The following NFS1 variants were observed in gnomAD, a reference collection of about 807,000 sequenced individuals.
The protein encoded by NFS1 is NFS1 cysteine desulfurase.
NFS1 carries 26 observed loss-of-function variants against 57.3 expected under a neutral mutation model. The ratio of observed to expected loss-of-function variants is 0.45; its 90% confidence interval spans 0.33 to 0.63. NFS1 has a LOEUF of 0.63. Ranked by LOEUF, NFS1 falls within the 20% of genes least tolerant of loss-of-function variation. The probability of loss-of-function intolerance (pLI) is 0.02; values close to 1 mark genes in which losing one functional copy is unlikely to be tolerated. For missense variants in NFS1, 505 were observed against 605.8 expected, an observed-to-expected ratio of 0.83 and a Z score of 1.75; for synonymous variants, 209 against 216.3, an observed-to-expected ratio of 0.97 and a Z score of 0.30.
chr20:35,696,349 C>G, intron 4 of NFS1, 28 bp downstream of exon 4: 2 of 1,519,316 alleles, frequency 1.3e-6, no homozygotes, highest in Admixed American at 3.3e-5. Flanking sequence ...GGAAAGCCCA[C>G]ATACACCCTC....
chr20:35,697,835 GCAT>G, intron 2 of NFS1, 35 bp from the exon 3 acceptor site: 1 of 1,469,092 alleles, frequency 6.8e-7, no homozygotes, highest in Non-Finnish European at 9.4e-7. Flanking sequence ...TTCCTTGAGC[GCAT>G]CGTCAATTCA....
Position 35,690,526 on chromosome 20 carries a change from T to C in NFS1, c.448A>G (p.Ile150Val). 1 of 1,614,070 alleles carries C rather than the reference T, an allele frequency of 6.2e-7. No individual in the cohort carries two copies. The highest frequency in any genetic ancestry group is 8.5e-7 in the Non-Finnish European group (1 of 1,180,010). The change falls in exon 5 of 13, where the codon ATC becomes GTC. Residue 150 changes from isoleucine (I) to valine (V), a missense_variant. By Grantham distance (29) the Ile-to-Val change is conservative (BLOSUM62 3). Transcript: ENST00000374092. Reference sequence around the variant, plus strand: ...CATTTGTGTTCTGTCTGGGTGGTGATCAAGTGCTTTTTCCGTGACCTGTAG... The same window carrying C: ...CATTTGTGTTCTGTCTGGGTGGTGACCAAGTGCTTTTTCCGTGACCTGTAG... ...RFYRSRKKHL[I>V]TTQTEHKCVL...
At position 35,699,032 on chromosome 20, in the gene NFS1, T is replaced by C; in HGVS notation, c.97+160A>G. The C allele has an allele frequency of 1.5e-6, 2 of 1,322,800 alleles. No homozygotes were observed. Among genetic ancestry groups the C allele is most frequent in the Non-Finnish European group, 1.9e-6 (2 of 1,039,500 alleles). 81.9% of individuals were successfully genotyped at this position (1,322,800 alleles called of 1,614,324 possible). On this transcript the variant is annotated intron_variant, in intron 1 of 12. Transcript: ENST00000374092. This position sits in a 1 kb window ranked among gnomAD's most constrained non-coding sequence, Gnocchi z 4.4. ...AGGGGTGGTGCGCCGGGGTCAACCG[T>C]TCGGGGACCCGCCTAAGAAAGTTTG...
intron 7 of NFS1, among the ~76,000 whole-genome samples, chr20:35,677,026 A>G (rs1034211533): frequency 2.0e-5 from 3 of 151,994 alleles, no homozygotes; most frequent in Admixed American, 6.6e-5. Context: ...GCCACCACGC[A>G]TGGCTAATTT....
rs1262820912 is a variant in NFS1 at position 35,696,405 on chromosome 20, G to T, written c.380C>A (p.Ala127Asp). ...AATTGCTATGTTGTTGGATTCAGTAGCACCACTAGTAAAAATGATCTCACG... is the reference window on the plus strand; with the variant it reads ...AATTGCTATGTTGTTGGATTCAGTATCACCACTAGTAAAAATGATCTCACG... ...DPREIIFTSG[A>D]TESNNIAIKG... Residue 127 changes from alanine (A) to aspartate (D), a missense_variant, in exon 4 of 13, where the codon GCT (alanine) becomes GAT (aspartate). By Grantham distance (126) the Ala-to-Asp change is moderately radical. Coordinates refer to ENST00000374092, the MANE Select transcript of NFS1 (RefSeq NM_021100.5). 4.3e-6 allele frequency: 7 copies of T among 1,613,678 alleles called. No homozygotes were observed. Among genetic ancestry groups the T allele is most frequent in the Non-Finnish European group, 5.9e-6 (7 of 1,179,710 alleles).
intron 8 of NFS1, 69 bp downstream of exon 8, chr20:35,674,976 T>G: frequency 6.3e-7 from 1 of 1,595,608 alleles, no homozygotes; most frequent in Non-Finnish European, 8.6e-7. Context: ...TCAGTCATGC[T>G]GAGAAGCCTC....
rs952327652 is a variant in NFS1, at chr20:35,669,637, C to T, written c.1359G>A (p.Lys453=). The T allele has an allele frequency of 6.2e-7, 1 of 1,613,940 alleles. No homozygotes were observed. The highest frequency in any genetic ancestry group is 1.7e-5 in the Admixed American group (1 of 59,996). ...CCCTATTCTTCTAGTGTTGGGTCCA[C>T]TTGATGCTCTTGAGGTCAATGCCAT... is the stretch of plus-strand genomic sequence containing the variant. ...VQDGIDLKSI[K]WTQH The change falls in exon 13 of 13, where the codon AAG becomes AAA. Residue 453 remains lysine (K), a synonymous_variant. Coordinates refer to ENST00000374092, the MANE Select transcript of NFS1 (RefSeq NM_021100.5).
At chr20:35,672,487 G>T (rs1487207960) in intron 12 of NFS1, among the ~76,000 whole-genome samples, 2 of 152,152 alleles carry the variant, frequency 1.3e-5, no homozygotes, top group Non-Finnish European at 2.9e-5. Context: ...CTGACCTCAG[G>T]TGATCTGTCC....
chr20:35,681,967 A>G lies in NFS1; in HGVS notation c.576T>C (p.Ala192=). 1 of 1,606,348 alleles carries G rather than the reference A, an allele frequency of 6.2e-7. No individual in the cohort carries two copies. Residue 192 remains alanine (A), a synonymous_variant, in exon 6 of 13, where the codon GCT becomes GCC. Coordinates refer to ENST00000374092, the MANE Select transcript of NFS1 (RefSeq NM_021100.5). ...ACACCAGGCTAGTATCTGGCTGGAT[A>G]GCAGCCTCTAGTTCCTAGGGATATG... ...GIIDLKELEA[A]IQPDTSLVSV... is the part of the protein sequence containing the mutation.
intron 7 of NFS1, among the ~76,000 whole-genome samples, chr20:35,676,562 G>C (rs996910932): frequency 1.3e-5 from 2 of 151,440 alleles, no homozygotes; most frequent in Non-Finnish European, 2.9e-5. Flanking sequence ...CTCCAGCCTA[G>C]TGACAGAGCA....
At position 35,669,056 on chromosome 20, in the gene NFS1, T is replaced by C. The variant is rs1458949199; in HGVS notation, c.*566A>G. 6.6e-6 allele frequency: 1 copy of C among 152,152 alleles called. No individual in the cohort carries two copies. The highest frequency in any genetic ancestry group is 1.5e-5 in the Non-Finnish European group (1 of 68,026). 9.4% of individuals were successfully genotyped at this position (152,152 alleles called of 1,614,324 possible). ...AATAACTGGTGGAGTCACAGACATA[T>C]TTCTAGCTCCATTAGGTCAAAGGAA... On this transcript the variant is annotated 3_prime_UTR_variant, in exon 13 of 13. Coordinates refer to ENST00000374092, the MANE Select transcript of NFS1 (RefSeq NM_021100.5).
intron 3 of NFS1, 67 bp from the exon 4 acceptor site, chr20:35,696,527 G>T: frequency 8.1e-7 from 1 of 1,232,868 alleles, no homozygotes. Context: ...GCAGACACAG[G>T]TGGGACAGCC....
chr20:35,685,717 G>C (rs2034927261), intron 5 of NFS1, among the ~76,000 whole-genome samples: 1 of 148,542 alleles, frequency 6.7e-6, no homozygotes, highest in Non-Finnish European at 1.5e-5. Context: ...AATTAGCCAG[G>C]TGTGGTAGCG....
At chr20:35,691,412 C>A (rs1196742314) in intron 4 of NFS1, among the ~76,000 whole-genome samples, 1 of 145,980 alleles carries the variant, frequency 6.9e-6, no homozygotes, top group African/African-American at 2.5e-5. Context: ...TCAACTATTA[C>A]AAGAAACTAA....
rs773921139 is a variant in NFS1, at chr20:35,673,689, G to A, written c.1137-5C>T. On this transcript the variant is annotated splice_region_variant and splice_polypyrimidine_tract_variant and intron_variant, in intron 10 of 12. Coordinates refer to ENST00000374092, the MANE Select transcript of NFS1 (RefSeq NM_021100.5). ...AGGGATGCAGAGGTGCAGGCACTGAGGAGAGAGACACGAACCTTGTTCAGT... is the reference window on the plus strand; with the variant it reads ...AGGGATGCAGAGGTGCAGGCACTGAAGAGAGAGACACGAACCTTGTTCAGT... 4.3e-6 allele frequency: 7 copies of A among 1,612,152 alleles called. No homozygotes were observed. In the South Asian group the frequency reaches 7.7e-5, roughly 18 times the overall value.
At chr20:35,671,995 G>A (rs943111039) in intron 12 of NFS1, among the ~76,000 whole-genome samples, 1 of 151,810 alleles carries the variant, frequency 6.6e-6, no homozygotes, top group Non-Finnish European at 1.5e-5. Context: ...GTCTCACTCT[G>A]TCACCCAGGC....
At chr20:35,689,478 G>A (rs775956061) in intron 5 of NFS1, among the ~76,000 whole-genome samples, 12 of 148,478 alleles carry the variant, frequency 8.1e-5, no homozygotes, top group African/African-American at 5.0e-5. Flanking sequence ...TAAAAAATTA[G>A]CCAAGTGTGG....
At chr20:35,683,149 T>C (rs900850914) in intron 5 of NFS1, among the ~76,000 whole-genome samples, 5 of 151,728 alleles carry the variant, frequency 3.3e-5, no homozygotes, top group African/African-American at 1.2e-4. Context: ...GGTTACATAC[T>C]GTATGATTCC....
intron 5 of NFS1, among the ~76,000 whole-genome samples, chr20:35,688,297 A>G (rs565404103): frequency 6.6e-6 from 1 of 151,694 alleles, no homozygotes; most frequent in Admixed American, 6.6e-5. Flanking sequence ...GCTCTTGCCT[A>G]TAATCCCAGC....
Sources: gnomAD v4.1 joint callset for allele counts (sites outside exome capture counted in the v4.1 genomes callset) on GRCh38, gnomAD v4.1.1 for gene constraint, Gnocchi (gnomAD v3.1) non-coding constraint, MANE v1.5 for transcripts, NCBI Gene and HGNC (gene_info 2026-07-23, HGNC 2026-07-21) for gene names.